The following NAALADL2 variants were observed in gnomAD, a reference collection of about 807,000 sequenced individuals.
NAALADL2 encodes the protein inactive N-acetylated-alpha-linked acidic dipeptidase-like protein 2.
In NAALADL2, 76 loss-of-function variants were observed where a neutral mutation model predicts 87.2. That is an observed-to-expected ratio of 0.87 (90% CI 0.72 to 1.05). The LOEUF (loss-of-function observed/expected upper bound fraction) is 1.05. NAALADL2 is among the 50% of genes least tolerant of loss of function. NAALADL2 has a pLI of 0.00. For synonymous variants in NAALADL2, 354 were observed against 331.0 expected, an observed-to-expected ratio of 1.07 and a Z score of -0.75; for missense variants, 1,089 against 945.8, an observed-to-expected ratio of 1.15 and a Z score of -1.99.
At chr3:175,173,738 A>G (rs1397299368) in intron 2 of NAALADL2, among the ~76,000 whole-genome samples, 1 of 152,188 alleles carries the variant, frequency 6.6e-6, no homozygotes, top group Non-Finnish European at 1.5e-5. Context: ...TTCAAACTTC[A>G]CAGTTGCAAG....
intron 1 of NAALADL2, among the ~76,000 whole-genome samples, chr3:174,877,442 C>T (rs1460685014): frequency 4.6e-5 from 7 of 152,028 alleles, no homozygotes; most frequent in Non-Finnish European, 1.0e-4. Context: ...CCATTCCATT[C>T]TCAATTCTCC....
In NAALADL2 at chr3:175,104,255, C is replaced by G. The variant is rs530329317; in HGVS notation, c.545+6964C>G. On this transcript the variant is annotated intron_variant, in intron 2 of 13. Transcript: ENST00000454872. ...TACCTCCAGTCTTAAATGAGGGAGG[C>G]GAGGTAGTCCTTACCTATAGGTAAA... Among the ~76,000 whole-genome samples, 4 of 152,114 alleles carry G rather than the reference C, an allele frequency of 2.6e-5. No homozygotes were observed. In the South Asian group the frequency reaches 8.3e-4, roughly 31 times the overall value.
At chr3:175,368,468 T>G (rs1284255305) in intron 5 of NAALADL2, among the ~76,000 whole-genome samples, 1 of 152,168 alleles carries the variant, frequency 6.6e-6, no homozygotes, top group Non-Finnish European at 1.5e-5. Context: ...AGAATTCGGC[T>G]GTGAATCCAT....
chr3:174,781,163 G>A (rs1174210830), intron 3 of NAALADL2, among the ~76,000 whole-genome samples: 1 of 152,040 alleles, frequency 6.6e-6, no homozygotes, highest in Non-Finnish European at 1.5e-5. Context: ...TAGTCTTACG[G>A]CTTCCCTTTG....
At chr3:175,626,005 A>G (rs1726935483) in intron 10 of NAALADL2, among the ~76,000 whole-genome samples, 1 of 151,984 alleles carries the variant, frequency 6.6e-6, no homozygotes, top group Non-Finnish European at 1.5e-5. Flanking sequence ...ATTCTTTCTG[A>G]AAAACATGCA....
At chr3:175,223,247 G>A (rs1322266488) in intron 2 of NAALADL2, among the ~76,000 whole-genome samples, 1 of 151,272 alleles carries the variant, frequency 6.6e-6, no homozygotes, top group Non-Finnish European at 1.5e-5. Flanking sequence ...CTGAACGTTT[G>A]TACCTTTTCA....
chr3:175,621,775 T>C (rs1257086466), intron 10 of NAALADL2, among the ~76,000 whole-genome samples: 3 of 152,068 alleles, frequency 2.0e-5, no homozygotes, highest in Non-Finnish European at 2.9e-5. Flanking sequence ...GTAGATTATA[T>C]GCAAATACTA....
chr3:174,910,420 G>A (rs1733547969), intron 1 of NAALADL2, among the ~76,000 whole-genome samples: 1 of 151,970 alleles, frequency 6.6e-6, no homozygotes, highest in Non-Finnish European at 1.5e-5. Context: ...TATTAAATGT[G>A]GGTCTGATGA....
intron 1 of NAALADL2, among the ~76,000 whole-genome samples, chr3:174,543,748 C>T (rs1722476445): frequency 6.6e-6 from 1 of 152,126 alleles, no homozygotes; most frequent in African/African-American, 2.4e-5. Context: ...TGGCTCACAC[C>T]TGTAATCCCA....
intron 1 of NAALADL2, among the ~76,000 whole-genome samples, chr3:174,921,158 T>C (rs778308997): frequency 4.6e-5 from 7 of 152,238 alleles, no homozygotes; most frequent in Admixed American, 3.3e-4. Flanking sequence ...AAAATGGCAC[T>C]GATAGAATTG....
chr3:174,845,756 G>T (rs934637020), intron 3 of NAALADL2, among the ~76,000 whole-genome samples: 8 of 152,134 alleles, frequency 5.3e-5, no homozygotes, highest in African/African-American at 7.2e-5. Flanking sequence ...TTTTCTGGGG[G>T]ATAGGGTACC....
intron 2 of NAALADL2, among the ~76,000 whole-genome samples, chr3:174,636,411 A>G (rs1722653115): frequency 6.6e-6 from 1 of 152,184 alleles, no homozygotes; most frequent in Non-Finnish European, 1.5e-5. Context: ...CAACCTATTG[A>G]GTGGGAGAAA....
At chr3:174,980,122 A>G (rs1230898445) in intron 1 of NAALADL2, among the ~76,000 whole-genome samples, 1 of 152,082 alleles carries the variant, frequency 6.6e-6, no homozygotes. Flanking sequence ...TCTGGAGGCC[A>G]CCTCTGATCT....
At position 175,699,456 on chromosome 3, in the gene NAALADL2, G is replaced by A. The variant is rs144038199; in HGVS notation, c.1897-37850G>A. On this transcript the variant is annotated intron_variant, in intron 11 of 13. Transcript: ENST00000454872. Reference sequence around the variant, plus strand: ...AGATCTTAACTTGATGTTTCTCAAGGAGGAATATAGGACATTAACTCTGCA... The same window carrying A: ...AGATCTTAACTTGATGTTTCTCAAGAAGGAATATAGGACATTAACTCTGCA... Among the ~76,000 whole-genome samples, 1,004 of 152,014 alleles carry A rather than the reference G, an allele frequency of 6.6e-3. 14 individuals are homozygous for A. The highest frequency in any genetic ancestry group is 0.023 in the African/African-American group (951 of 41,486).
At chr3:175,022,709 C>A (rs2108870640) in intron 1 of NAALADL2, among the ~76,000 whole-genome samples, 1 of 152,198 alleles carries the variant, frequency 6.6e-6, no homozygotes, top group South Asian at 2.1e-4. Flanking sequence ...CCTGCCAACT[C>A]TGAAAGGCAT....
At chr3:174,571,435 G>C (rs1714910633) in intron 2 of NAALADL2, among the ~76,000 whole-genome samples, 2 of 152,024 alleles carry the variant, frequency 1.3e-5, no homozygotes, top group African/African-American at 2.4e-5. Flanking sequence ...GGAGTGTAAT[G>C]GCGTGATCTG....
At chr3:174,843,016 G>C (rs919997426) in intron 3 of NAALADL2, among the ~76,000 whole-genome samples, 1 of 151,770 alleles carries the variant, frequency 6.6e-6, no homozygotes, top group Non-Finnish European at 1.5e-5. Context: ...ATATTTATGA[G>C]GTTCAATTTG....
chr3:175,038,647 T>C (rs925957703), intron 1 of NAALADL2, among the ~76,000 whole-genome samples: 6 of 152,194 alleles, frequency 3.9e-5, no homozygotes, highest in Non-Finnish European at 5.9e-5. Flanking sequence ...ACATCAACAA[T>C]GCGTAACTTG....
intron 2 of NAALADL2, among the ~76,000 whole-genome samples, chr3:175,221,604 TA>T (rs1246717206): frequency 6.6e-6 from 1 of 152,136 alleles, no homozygotes; most frequent in African/African-American, 2.4e-5. Context: ...TTTTGCTTTA[TA>T]AGTTGTGAAA....
Sources: allele counts gnomAD v4.1 joint callset (sites outside exome capture counted in the v4.1 genomes callset), GRCh38; gene constraint gnomAD v4.1.1; transcripts MANE v1.5; gene names NCBI Gene and HGNC (gene_info 2026-07-23, HGNC 2026-07-21).